The following PTPRT variants were observed in gnomAD, a reference collection of about 807,000 sequenced individuals.
PTPRT encodes the protein protein tyrosine phosphatase receptor type T.
In PTPRT, 56 loss-of-function variants were observed where a neutral mutation model predicts 176.8. The observed-to-expected ratio is 0.32, with a 90% confidence interval of 0.26 to 0.40. PTPRT has a LOEUF of 0.40. PTPRT is among the 10% of genes least tolerant of loss of function. The pLI is 1.00. For missense variants in PTPRT, 1,540 were observed against 1,908.2 expected (o/e 0.81, Z 3.60); for synonymous variants, 783 against 739.0 (o/e 1.06, Z -0.96).
intron 1 of PTPRT, among the ~76,000 whole-genome samples, chr20:43,122,451 C>T (rs1207894985): frequency 4.6e-5 from 7 of 152,190 alleles, no homozygotes; most frequent in African/African-American, 9.7e-5. Flanking sequence ...ACTTATGATA[C>T]GGTTTGGGTG....
intron 17 of PTPRT, among the ~76,000 whole-genome samples, chr20:42,150,490 T>C (rs532683827): frequency 6.6e-6 from 1 of 152,302 alleles, no homozygotes; most frequent in African/African-American, 2.4e-5. Context: ...CACACCCCTG[T>C]CCAACACTGT....
intron 7 of PTPRT, among the ~76,000 whole-genome samples, chr20:42,601,070 G>C (rs966149740): frequency 5.3e-5 from 8 of 152,116 alleles, no homozygotes; most frequent in African/African-American, 1.9e-4. Context: ...GCTGTGCCTT[G>C]TCTCAGTACC....
At chr20:42,393,311 C>T (rs2058818613) in intron 9 of PTPRT, among the ~76,000 whole-genome samples, 1 of 152,088 alleles carries the variant, frequency 6.6e-6, no homozygotes, top group Non-Finnish European at 1.5e-5. Context: ...TCATTGTAAC[C>T]CTTTTTAAAA....
chr20:42,497,390 T>C (rs1734931564), intron 7 of PTPRT, among the ~76,000 whole-genome samples: 1 of 151,970 alleles, frequency 6.6e-6, no homozygotes, highest in Admixed American at 6.6e-5. Flanking sequence ...CTTAATGGCA[T>C]CTGGGGTATT....
chr20:42,337,058 G>A (rs1197557916), intron 11 of PTPRT, among the ~76,000 whole-genome samples: 1 of 152,076 alleles, frequency 6.6e-6, no homozygotes, highest in Non-Finnish European at 1.5e-5. Flanking sequence ...TTGAGCTGTG[G>A]CATGGTCTTT....
intron 2 of PTPRT, among the ~76,000 whole-genome samples, chr20:42,836,626 G>A (rs971609516): frequency 6.6e-6 from 1 of 152,144 alleles, no homozygotes; most frequent in South Asian, 2.1e-4. Flanking sequence ...AAAACACAAG[G>A]GGATGAGCCG....
intron 16 of PTPRT, among the ~76,000 whole-genome samples, chr20:42,186,868 A>G (rs1990803129): frequency 6.6e-6 from 1 of 152,166 alleles, no homozygotes; most frequent in Admixed American, 6.5e-5. Context: ...TTCTAGATAT[A>G]TCGAAGATGT....
intron 9 of PTPRT, among the ~76,000 whole-genome samples, chr20:42,370,306 C>T (rs562847397): frequency 6.6e-6 from 1 of 152,284 alleles, no homozygotes; most frequent in Non-Finnish European, 1.5e-5. Context: ...CTCCAGATAA[C>T]GGCCAGCGAC....
At chr20:43,121,079 G>A (rs2013241700) in intron 1 of PTPRT, among the ~76,000 whole-genome samples, 1 of 151,616 alleles carries the variant, frequency 6.6e-6, no homozygotes, top group South Asian at 2.1e-4. Context: ...AGTATTGCCT[G>A]TTTTTGAAAT....
chr20:43,151,317 C>CAA (rs11347519), intron 1 of PTPRT, among the ~76,000 whole-genome samples: 4 of 108,736 alleles, frequency 3.7e-5, no homozygotes, highest in African/African-American at 3.7e-5. Context: ...CCGTCTCAAA[C>CAA]AAAAAAAAAA....
At chr20:43,007,702 C>T (rs566199609) in intron 1 of PTPRT, among the ~76,000 whole-genome samples, 6 of 152,256 alleles carry the variant, frequency 3.9e-5, no homozygotes, top group South Asian at 4.1e-4. Context: ...CATTGTCCGG[C>T]GACTTCAAAA....
At chr20:42,372,652 T>TC (rs971491779) in intron 9 of PTPRT, among the ~76,000 whole-genome samples, 1 of 151,872 alleles carries the variant, frequency 6.6e-6, no homozygotes. Flanking sequence ...AGTTTGAAAG[T>TC]CCCCCCAAAT....
intron 9 of PTPRT, among the ~76,000 whole-genome samples, chr20:42,357,153 G>C (rs556808236): frequency 1.3e-4 from 20 of 152,260 alleles, no homozygotes; most frequent in Admixed American, 4.6e-4. Flanking sequence ...AATATGACTT[G>C]CAAGTCAAAT....
chr20:43,140,379 A>G (rs2013964050), intron 1 of PTPRT, among the ~76,000 whole-genome samples: 1 of 151,754 alleles, frequency 6.6e-6, no homozygotes, highest in African/African-American at 2.4e-5. Flanking sequence ...CACACACAAA[A>G]TCAGATAAAA....
intron 1 of PTPRT, among the ~76,000 whole-genome samples, chr20:43,064,018 C>T (rs1987577662): frequency 1.3e-5 from 2 of 151,958 alleles, no homozygotes; most frequent in Admixed American, 1.3e-4. Context: ...TCCATGAGAC[C>T]CAAACAACTT....
intron 7 of PTPRT, among the ~76,000 whole-genome samples, chr20:42,657,076 G>A (rs557142267): frequency 2.0e-5 from 3 of 152,174 alleles, no homozygotes; most frequent in Admixed American, 6.5e-5. Flanking sequence ...TTCTTGTGAT[G>A]GTGAGTGATT....
intron 27 of PTPRT, among the ~76,000 whole-genome samples, chr20:42,094,566 G>C (rs1047524893): frequency 1.3e-5 from 2 of 152,050 alleles, no homozygotes; most frequent in African/African-American, 2.4e-5. Context: ...AGGATTACAG[G>C]CATGGACCAC....
intron 1 of PTPRT, among the ~76,000 whole-genome samples, chr20:43,015,115 G>A (rs981111307): frequency 3.3e-5 from 5 of 152,170 alleles, no homozygotes. Flanking sequence ...CATGAGTGCT[G>A]GGTGTCATAA....
At chr20:42,402,483 TAAAAAAAAAAAA>T (rs3061921) in intron 9 of PTPRT, among the ~76,000 whole-genome samples, 3 of 95,158 alleles carry the variant, frequency 3.2e-5, no homozygotes, top group African/African-American at 8.1e-5. Context: ...ATAGTGCAGT[TAAAAAAAAAAAA>T]AAAAAAAAAA....
Sources: gnomAD v4.1 joint callset for allele counts (sites outside exome capture counted in the v4.1 genomes callset) on GRCh38, gnomAD v4.1.1 for gene constraint, MANE v1.5 for transcripts, NCBI Gene and HGNC (gene_info 2026-07-23, HGNC 2026-07-21) for gene names.